DNMT1: variants seen among roughly 807,000 people sequenced by gnomAD.
The protein encoded by DNMT1 is DNA methyltransferase 1.
DNMT1 carries 24 observed loss-of-function variants against 205.3 expected under a neutral mutation model. The observed-to-expected ratio is 0.12, with a 90% CI of 0.08 to 0.16. The LOEUF (loss-of-function observed/expected upper bound fraction) is 0.16. Ranked by LOEUF, DNMT1 falls within the 10% of genes least tolerant of loss-of-function variation. DNMT1 has a pLI of 1.00. For synonymous variants in DNMT1, 817 were observed against 839.8 expected (o/e 0.97, Z 0.47); for missense variants, 1,293 against 2,177.7 (o/e 0.59, Z 8.09).
Position 10,159,681 on chromosome 19 carries a change from G to A in DNMT1, c.1257C>T (p.Pro419=). Residue 419 remains proline (P), a synonymous_variant, in exon 17 of 41, where the codon CCC becomes CCT. Transcript: ENST00000359526. This position sits in a 1 kb window ranked among gnomAD's most constrained non-coding sequence, Gnocchi z 5.0. ...ESGFESYEAL[P]QHKLTCFSVY... ...ACCTGAAGCAGGTCAGTTTGTGCTG[G>A]GGAAGCGCCTCATAACTCTCAAAGC... The A allele has an allele frequency of 6.2e-7, 1 of 1,614,172 alleles. No individual in the cohort carries two copies. The highest frequency in any genetic ancestry group is 8.5e-7 in the Non-Finnish European group (1 of 1,180,026).
At position 10,180,574 on chromosome 19, in the gene DNMT1, A is replaced by G. The variant is rs770232255; in HGVS notation, c.226-5T>C. 2 of 1,613,948 alleles carry G rather than the reference A, an allele frequency of 1.2e-6. No homozygotes were observed. The highest frequency in any genetic ancestry group is 8.5e-7 in the Non-Finnish European group (1 of 1,179,870). On this transcript the variant is annotated splice_region_variant and splice_polypyrimidine_tract_variant and intron_variant, in intron 3 of 40. Transcript: ENST00000359526. ...GACTTTAGCCAGGTAGCCCTCCTAC[A>G]GCAGGAAAGGATAATTTAAGTAGCA...
In DNMT1 at chr19:10,154,827, C is replaced by T. The variant is rs2038423858; in HGVS notation, c.1645-54G>A. The stretch of plus-strand genomic sequence containing the variant: ...TTAAGCCAAACTGGCCTAAATCCAA[C>T]TGAAGAACAGTGTCTGCTGGTTCTG... On this transcript the variant is annotated intron_variant, in intron 20 of 40. Coordinates refer to ENST00000359526, the MANE Select transcript of DNMT1 (RefSeq NM_001130823.3). This position sits in a 1 kb window ranked among gnomAD's most constrained non-coding sequence, Gnocchi z 6.3. 2 of 1,614,104 alleles carry T rather than the reference C, an allele frequency of 1.2e-6. No individual in the cohort carries two copies. The highest frequency in any genetic ancestry group is 2.7e-5 in the African/African-American group (2 of 74,932).
At chr19:10,145,294 A>G (rs570671134) in intron 28 of DNMT1, among the ~76,000 whole-genome samples, 4 of 152,294 alleles carry the variant, frequency 2.6e-5, no homozygotes, top group African/African-American at 9.6e-5. Flanking sequence ...CTGGCAGAAA[A>G]CACTACGGGG....
At position 10,138,152 on chromosome 19, in the gene DNMT1, G is replaced by C; in HGVS notation, c.4116-143C>G. Reference sequence around the variant, plus strand: ...AGGTCACATGGGTGGCAGTGTGCCTGGATGCCATCTGGAAGGGGGGATGGG... The same window carrying C: ...AGGTCACATGGGTGGCAGTGTGCCTCGATGCCATCTGGAAGGGGGGATGGG... On this transcript the variant is annotated intron_variant, in intron 35 of 40. Coordinates refer to ENST00000359526, the MANE Select transcript of DNMT1 (RefSeq NM_001130823.3). This position sits in a 1 kb window ranked among gnomAD's most constrained non-coding sequence, Gnocchi z 4.1. The C allele has an allele frequency of 8.6e-7, 1 of 1,160,148 alleles. No individual in the cohort carries two copies. Among genetic ancestry groups the C allele is most frequent in the Non-Finnish European group, 1.2e-6 (1 of 808,906 alleles). 71.9% of individuals were successfully genotyped at this position (1,160,148 alleles called of 1,614,324 possible). A position where few individuals can be genotyped will look rare whatever the true frequency, so the allele number is the denominator to read the frequency against.
intron 39 of DNMT1, chr19:10,135,507 C>T (rs539293215): frequency 3.0e-5 from 17 of 576,270 alleles, no homozygotes; most frequent in African/African-American, 2.0e-4. Context: ...CCTTCTGGCT[C>T]AATCTCTGCC....
Position 10,159,990 on chromosome 19 carries a change from A to T in DNMT1, c.1089+28T>A. ...TCCCAGCCGCCTCGTGAGCGCCGCC[A>T]CCGGCTTTATTCCCGGCAGATGTTT... On this transcript the variant is annotated intron_variant, in intron 15 of 40. Coordinates refer to ENST00000359526, the MANE Select transcript of DNMT1 (RefSeq NM_001130823.3). The surrounding 1 kb of genome is among the most constrained non-coding windows in gnomAD (Gnocchi z 5.0). 1 of 1,614,004 alleles carries T rather than the reference A, an allele frequency of 6.2e-7. No individual in the cohort carries two copies. Among genetic ancestry groups the T allele is most frequent in the South Asian group, 1.1e-5 (1 of 91,086 alleles).
rs1466200605 is a variant in DNMT1 at position 10,135,575 on chromosome 19, C to T, written c.4773+161G>A. 12 of 738,844 alleles carry T rather than the reference C, an allele frequency of 1.6e-5. No individual in the cohort carries two copies. In the Admixed American group the frequency reaches 1.6e-4, roughly 10 times the overall value. The allele number at this position is 738,844 out of a possible 1,614,324, so 45.8% of individuals were successfully genotyped here. A position where few individuals can be genotyped will look rare whatever the true frequency, so the allele number is the denominator to read the frequency against. On this transcript the variant is annotated intron_variant, in intron 39 of 40. Transcript: ENST00000359526. ...ACGCAGCCTGACTCGGATGTCTCAG[C>T]ACTGTCCCTCCTGTGGGCCGTCTTC...
chr19:10,154,478 G>T lies in DNMT1; in HGVS notation c.1834C>A (p.Arg612=). ...ATGGTCTGCCGCCTCGCCTGGGCTCGCCTACGGGAGAGGTTCCAGCATCTC... is the reference window on the plus strand; with the variant it reads ...ATGGTCTGCCGCCTCGCCTGGGCTCTCCTACGGGAGAGGTTCCAGCATCTC... ...KLAGVTLGQR[R]AQARRQTIRH... The change falls in exon 22 of 41, where the codon CGA becomes AGA. Residue 612 remains arginine (R), a splice_region_variant and synonymous_variant. Coordinates refer to ENST00000359526, the MANE Select transcript of DNMT1 (RefSeq NM_001130823.3). This position sits in a 1 kb window ranked among gnomAD's most constrained non-coding sequence, Gnocchi z 6.3. The T allele has an allele frequency of 6.2e-7, 1 of 1,614,164 alleles. No individual in the cohort carries two copies. The highest frequency in any genetic ancestry group is 8.5e-7 in the Non-Finnish European group (1 of 1,180,026).
chr19:10,136,084 C>T, intron 38 of DNMT1, 37 bp downstream of exon 38: 7 of 1,613,374 alleles, frequency 4.3e-6, no homozygotes, highest in Non-Finnish European at 5.9e-6. Context: ...AAGTACAGGG[C>T]CTGACCCAGG....
In DNMT1 at chr19:10,140,671, G is replaced by A. The variant is rs2089583896; in HGVS notation, c.3523+110C>T. 2.5e-6 allele frequency: 4 copies of A among 1,591,230 alleles called. No individual in the cohort carries two copies. The highest frequency in any genetic ancestry group is 3.4e-6 in the Non-Finnish European group (4 of 1,162,372). On this transcript the variant is annotated intron_variant, in intron 32 of 40. Coordinates refer to ENST00000359526, the MANE Select transcript of DNMT1 (RefSeq NM_001130823.3). This position sits in a 1 kb window ranked among gnomAD's most constrained non-coding sequence, Gnocchi z 8.4. ...GCGTGCGCCACCGTGCCTGGCCTCG[G>A]AAGGAGATTCTTGAGTCAGGAAGGT...
In DNMT1 at chr19:10,137,789, G is replaced by A. The variant is rs1300159657; in HGVS notation, c.4293+43C>T. 1.3e-6 allele frequency: 2 copies of A among 1,599,840 alleles called. No individual in the cohort carries two copies. The highest frequency in any genetic ancestry group is 1.7e-6 in the Non-Finnish European group (2 of 1,174,034). On this transcript the variant is annotated intron_variant, in intron 36 of 40. Transcript: ENST00000359526. This position sits in a 1 kb window ranked among gnomAD's most constrained non-coding sequence, Gnocchi z 6.4. Reference sequence around the variant, plus strand: ...GCTGACTGTTCCCACGAGGCTGCTGGGCTGGGCCTCGAGGAGGAGCCGCTC... The same window carrying A: ...GCTGACTGTTCCCACGAGGCTGCTGAGCTGGGCCTCGAGGAGGAGCCGCTC...
chr19:10,162,692 G>A lies in DNMT1; in HGVS notation c.983C>T (p.Ser328Phe). Residue 328 changes from serine to phenylalanine, a missense_variant, in exon 13 of 41, where the codon TCT becomes TTT. Around this residue, in one of 13 missense-constraint regions of DNMT1, gnomAD observed 394 missense variants for 451.6 expected, o/e 0.87. Transcript: ENST00000359526. ...KEPEKVNPQI[S>F]DEKDEDEKEE... ...CTTTTCATCCTCGTCTTTTTCATCA[G>A]AAATCTGTGGATTTACTTTTTCAGG... 6.2e-7 allele frequency: 1 copy of A among 1,611,808 alleles called. No individual in the cohort carries two copies. The highest frequency in any genetic ancestry group is 8.5e-7 in the Non-Finnish European group (1 of 1,179,390).
Position 10,140,581 on chromosome 19 carries a change from G to C in DNMT1, c.3523+200C>G. On this transcript the variant is annotated intron_variant, in intron 32 of 40. Coordinates refer to ENST00000359526, the MANE Select transcript of DNMT1 (RefSeq NM_001130823.3). The surrounding 1 kb of genome is among the most constrained non-coding windows in gnomAD (Gnocchi z 8.4). ...GACGGGGTTTCACCATGTTGGCCAG[G>C]ATGGTCTCAAACTCCTGACCTCATG... 1.0e-6 allele frequency: 1 copy of C among 993,958 alleles called. No individual in the cohort carries two copies. Among genetic ancestry groups the C allele is most frequent in the Non-Finnish European group, 1.5e-6 (1 of 667,386 alleles). 61.6% of individuals were successfully genotyped at this position (993,958 alleles called of 1,614,324 possible). A position where few individuals can be genotyped will look rare whatever the true frequency, so the allele number is the denominator to read the frequency against.
intron 1 of DNMT1, among the ~76,000 whole-genome samples, chr19:10,186,139 A>G (rs1015897847): frequency 6.6e-6 from 1 of 152,196 alleles, no homozygotes; most frequent in African/African-American, 2.4e-5. Context: ...ACAAGGTTCA[A>G]CTGATTGCGG....
chr19:10,175,433 G>A, intron 7 of DNMT1, 107 bp downstream of exon 7: 1 of 1,314,158 alleles, frequency 7.6e-7, no homozygotes, highest in Admixed American at 1.8e-5. Flanking sequence ...GCCCTAAATA[G>A]AGCCCTAGAC....
In DNMT1 at chr19:10,146,128, G is replaced by A; in HGVS notation, c.2894+223C>T. Among the ~76,000 whole-genome samples the A allele has an allele frequency of 6.6e-6, 1 of 152,164 alleles. No individual in the cohort carries two copies. Among genetic ancestry groups the A allele is most frequent in the East Asian group, 1.9e-4 (1 of 5,188 alleles). On this transcript the variant is annotated intron_variant, in intron 28 of 40. Coordinates refer to ENST00000359526, the MANE Select transcript of DNMT1 (RefSeq NM_001130823.3). This position sits in a 1 kb window ranked among gnomAD's most constrained non-coding sequence, Gnocchi z 4.4. ...TTACAGGCGTGAGAAACCACACCCA[G>A]CCAAACCAGCGAGTTGACTTTTACG...
Position 10,151,630 on chromosome 19 carries a change from G to A in DNMT1, c.2118-85C>T. 4 of 1,609,686 alleles carry A rather than the reference G, an allele frequency of 2.5e-6. No homozygotes were observed. The highest frequency in any genetic ancestry group is 3.4e-6 in the Non-Finnish European group (4 of 1,178,036). ...TTTCTTCATAACAGGGACAGGTCCT[G>A]AGACAATGCCTAACGAAGGAATCCT... On this transcript the variant is annotated intron_variant, in intron 23 of 40. Coordinates refer to ENST00000359526, the MANE Select transcript of DNMT1 (RefSeq NM_001130823.3). The surrounding 1 kb of genome is among the most constrained non-coding windows in gnomAD (Gnocchi z 5.0).
chr19:10,143,133 C>G (rs572203471), intron 29 of DNMT1, among the ~76,000 whole-genome samples: 24 of 152,140 alleles, frequency 1.6e-4, no homozygotes, highest in South Asian at 2.1e-4. Flanking sequence ...GAAAGGAGGA[C>G]CTGGGAAGAG....
chr19:10,190,403 C>T (rs2039276667), intron 1 of DNMT1, among the ~76,000 whole-genome samples: 2 of 152,076 alleles, frequency 1.3e-5, no homozygotes, highest in Admixed American at 1.3e-4. Flanking sequence ...ATGCGGGATA[C>T]ACCGACAAAA....
Sources: allele counts gnomAD v4.1 joint callset (sites outside exome capture counted in the v4.1 genomes callset), GRCh38; gene constraint gnomAD v4.1.1; regional missense constraint gnomAD v4.1.1; non-coding constraint Gnocchi (gnomAD v3.1); transcripts MANE v1.5; gene names NCBI Gene and HGNC (gene_info 2026-07-23, HGNC 2026-07-21).